The following ESR2 variants were observed in gnomAD, a reference collection of about 807,000 sequenced individuals.
The protein encoded by ESR2 is estrogen receptor 2.
Under a neutral mutation model 49.6 loss-of-function variants are expected in ESR2, and 36 were observed. The ratio of observed to expected loss-of-function variants is 0.73; its 90% CI spans 0.56 to 0.96. The LOEUF (loss-of-function observed/expected upper bound fraction) is 0.96. Ranked by LOEUF, ESR2 falls within the 40% of genes least tolerant of loss-of-function variation. The pLI, the probability that ESR2 is intolerant of heterozygous loss-of-function variation, is 0.00. For synonymous variants in ESR2, 320 were observed against 266.1 expected, an observed-to-expected ratio of 1.20 and a Z score of -1.97; for missense variants, 714 against 693.0, an observed-to-expected ratio of 1.03 and a Z score of -0.34.
intron 5 of ESR2, among the ~76,000 whole-genome samples, chr14:64,258,205 T>A (rs1203924556): frequency 8.5e-6 from 1 of 117,918 alleles, no homozygotes; most frequent in Non-Finnish European, 1.7e-5. Flanking sequence ...CGAGACCCTG[T>A]CTCAAAAATA....
intron 1 of ESR2, among the ~76,000 whole-genome samples, chr14:64,305,817 T>C (rs2077088824): frequency 6.6e-6 from 1 of 152,202 alleles, no homozygotes; most frequent in Non-Finnish European, 1.5e-5. Flanking sequence ...TTTAAGTCAA[T>C]GTTAGGTATT....
At chr14:64,240,163 G>A (rs1046987781) in intron 7 of ESR2, among the ~76,000 whole-genome samples, 5 of 152,310 alleles carry the variant, frequency 3.3e-5, no homozygotes, top group East Asian at 1.9e-4. Context: ...GCCAGCTAGC[G>A]TGCTGTACCA....
At chr14:64,286,684 T>C (rs568892385) in intron 1 of ESR2, among the ~76,000 whole-genome samples, 1 of 152,230 alleles carries the variant, frequency 6.6e-6, no homozygotes, top group Middle Eastern at 3.4e-3. Flanking sequence ...AAACATATAG[T>C]GATAACTATT....
intron 1 of ESR2, among the ~76,000 whole-genome samples, chr14:64,300,187 G>T (rs1403784233): frequency 6.6e-6 from 1 of 152,146 alleles, no homozygotes; most frequent in Non-Finnish European, 1.5e-5. Flanking sequence ...TGCTGACAAG[G>T]AAACTTGAGG....
At chr14:64,331,822 CAAAA>C (rs368932180) in intron 1 of ESR2, among the ~76,000 whole-genome samples, 2 of 52,416 alleles carry the variant, frequency 3.8e-5, no homozygotes, top group Non-Finnish European at 3.8e-5. Flanking sequence ...GACTCCATCT[CAAAA>C]AAAAAAAAAA....
intron 3 of ESR2, 132 bp from the exon 4 acceptor site, chr14:64,269,043 C>T (rs1002439181): frequency 3.3e-6 from 2 of 603,316 alleles, no homozygotes; most frequent in South Asian, 2.2e-5. Context: ...AGTACAGGTA[C>T]AAAGCCAAAG....
intron 4 of ESR2, among the ~76,000 whole-genome samples, chr14:64,261,232 C>CTTTTTTTTTTTTTTTTTTT (rs374264697): frequency 1.1e-5 from 1 of 88,682 alleles, no homozygotes; most frequent in South Asian, 4.1e-4. Context: ...TTTTATTTTT[C>CTTTTTTTTTTTTTTTTTTT]TTTTTTCTTT....
At chr14:64,312,211 T>C (rs1313460030) in intron 1 of ESR2, among the ~76,000 whole-genome samples, 1 of 152,110 alleles carries the variant, frequency 6.6e-6, no homozygotes, top group Non-Finnish European at 1.5e-5. Flanking sequence ...ATACCAAATA[T>C]ATATGTTTAT....
intron 5 of ESR2, 138 bp downstream of exon 5, chr14:64,260,311 A>G (rs967262096): frequency 2.2e-6 from 2 of 895,848 alleles, no homozygotes; most frequent in Non-Finnish European, 3.8e-6. Context: ...ATTGCACTTA[A>G]AAGTTACAAA....
At chr14:64,239,539 T>G (rs1308113619) in intron 7 of ESR2, among the ~76,000 whole-genome samples, 1 of 152,240 alleles carries the variant, frequency 6.6e-6, no homozygotes, top group Non-Finnish European at 1.5e-5. Flanking sequence ...TCAATGTAAT[T>G]AATTACACTC....
intron 4 of ESR2, among the ~76,000 whole-genome samples, chr14:64,262,714 C>A (rs1212170503): frequency 1.3e-5 from 2 of 152,072 alleles, no homozygotes; most frequent in Non-Finnish European, 2.9e-5. Context: ...AGTTCAAGAC[C>A]AACCTGGGCA....
chr14:64,327,139 T>C (rs1231333598), intron 1 of ESR2, among the ~76,000 whole-genome samples: 3 of 152,244 alleles, frequency 2.0e-5, no homozygotes, highest in African/African-American at 7.2e-5. Flanking sequence ...TTTTTTTTGT[T>C]CCACCTTTTC....
intron 1 of ESR2, among the ~76,000 whole-genome samples, chr14:64,319,841 A>C: frequency 6.6e-6 from 1 of 152,318 alleles, no homozygotes; most frequent in East Asian, 1.9e-4. Flanking sequence ...GGAAATGCAA[A>C]ATGGAACAGC....
chr14:64,317,548 G>A (rs2077271646), intron 1 of ESR2, among the ~76,000 whole-genome samples: 1 of 152,160 alleles, frequency 6.6e-6, no homozygotes. Flanking sequence ...ACTATCGTGA[G>A]GACAGCACCA....
Position 64,283,093 on chromosome 14 carries a change from A to C in ESR2, c.-90-18T>G. 8.8e-7 allele frequency: 1 copy of C among 1,138,068 alleles called. No individual in the cohort carries two copies. The highest frequency in any genetic ancestry group is 1.7e-5 in the South Asian group (1 of 59,904). The allele number at this position is 1,138,068 out of a possible 1,614,324, so 70.5% of individuals were successfully genotyped here. On this transcript the variant is annotated intron_variant, in intron 1 of 8. Transcript: ENST00000341099. ...TATAATGGCTGTAAAGAAACACAGA[A>C]GATATTGCCAAGTTAGAGCTACAGC...
intron 1 of ESR2, among the ~76,000 whole-genome samples, chr14:64,326,752 T>A (rs2077395126): frequency 6.6e-6 from 1 of 152,246 alleles, no homozygotes; most frequent in Non-Finnish European, 1.5e-5. Context: ...TCCGCTATCT[T>A]ATTCTGTAAC....
Position 64,233,160 on chromosome 14 carries a change from A to T in ESR2, c.1570T>A (p.Ser524Thr). ...CGTCACTGAGACTGTGGGTTCTGGG[A>T]GCCCTCTTTGCTTTTACTGTCCTCT... ...PAEDSKSKEG[S>T]QNPQSQ Residue 524 changes from serine to threonine, a missense_variant, in exon 9 of 9, where the codon TCC becomes ACC. Physicochemically the swap from Ser to Thr is moderately conservative, Grantham distance 58. Transcript: ENST00000341099. 6.2e-7 allele frequency: 1 copy of T among 1,613,634 alleles called. No individual in the cohort carries two copies. Among genetic ancestry groups the T allele is most frequent in the East Asian group, 2.2e-5 (1 of 44,866 alleles).
At chr14:64,329,472 A>C (rs1313908561) in intron 1 of ESR2, 1 of 152,208 alleles carries the variant, frequency 6.6e-6, no homozygotes, top group African/African-American at 2.4e-5. Flanking sequence ...AGAAGGGGGA[A>C]AGGAATTGGA....
intron 1 of ESR2, among the ~76,000 whole-genome samples, chr14:64,290,934 T>C (rs938540094): frequency 1.3e-5 from 2 of 151,964 alleles, no homozygotes; most frequent in African/African-American, 4.8e-5. Flanking sequence ...GTTTCAAGGG[T>C]TTGAATAGGG....
Sources: gnomAD v4.1 joint callset for allele counts (sites outside exome capture counted in the v4.1 genomes callset) on GRCh38, gnomAD v4.1.1 for gene constraint, MANE v1.5 for transcripts, NCBI Gene and HGNC (gene_info 2026-07-23, HGNC 2026-07-21) for gene names.